PIAS3: variants seen among roughly 807,000 people sequenced by gnomAD.
The protein encoded by PIAS3 is E3 SUMO-protein ligase PIAS3.
A neutral mutation model predicts 67.6 loss-of-function variants in PIAS3; 34 were observed. The observed-to-expected ratio is 0.50, with a 90% CI of 0.38 to 0.67. PIAS3 has a LOEUF of 0.67. PIAS3 is among the 30% of genes least tolerant of loss of function. The pLI, the probability that PIAS3 is intolerant of heterozygous loss-of-function variation, is 0.00. For missense variants in PIAS3, 693 were observed against 791.6 expected (o/e 0.88, Z 1.49); for synonymous variants, 341 against 313.8 (o/e 1.09, Z -0.92).
chr1:145,850,104 T>A, intron 13 of PIAS3, 128 bp downstream of exon 13: 1 of 1,539,790 alleles, frequency 6.5e-7, no homozygotes, highest in African/African-American at 1.4e-5. Context: ...ATAAGATACC[T>A]ACACCCCACT....
intron 10 of PIAS3, 35 bp downstream of exon 10, chr1:145,850,985 G>A (rs1198211739): frequency 4.3e-6 from 7 of 1,614,054 alleles, no homozygotes; most frequent in Non-Finnish European, 5.9e-6. Context: ...GGCCATCCAA[G>A]ATTTAGCTTA....
In PIAS3 at chr1:145,849,718, A is replaced by G; in HGVS notation, c.1621-6T>C. ...ATGACAGAGGGGCCATAGTGCTAGG[A>G]AGAATCAAGGGCATAGTTTAAGATC... On this transcript the variant is annotated splice_polypyrimidine_tract_variant and splice_region_variant and intron_variant, in intron 13 of 13. Transcript: ENST00000393045. The G allele has an allele frequency of 6.3e-7, 1 of 1,578,230 alleles. No homozygotes were observed. The highest frequency in any genetic ancestry group is 8.6e-7 in the Non-Finnish European group (1 of 1,162,804).
chr1:145,857,282 G>C lies in PIAS3; in HGVS notation c.25-276C>G, dbSNP rs782283490. 2.0e-5 allele frequency: 10 copies of C among 489,772 alleles called. No individual in the cohort carries two copies. In the East Asian group the frequency reaches 3.3e-4, roughly 16 times the overall value. 30.3% of individuals were successfully genotyped at this position (489,772 alleles called of 1,614,324 possible). ...CTGGAAGCAGCCAGAGTGGGGCAGG[G>C]AATGGCAGACAGCAAGCCACCCTCA... On this transcript the variant is annotated intron_variant, in intron 1 of 13. Coordinates refer to ENST00000393045, the MANE Select transcript of PIAS3 (RefSeq NM_006099.3).
chr1:145,850,085 GA>G, intron 13 of PIAS3, 146 bp downstream of exon 13: 1 of 1,496,428 alleles, frequency 6.7e-7, no homozygotes, highest in Non-Finnish European at 8.8e-7. Context: ...CAGTGGGGCT[GA>G]GGAGATAATA....
At chr1:145,853,907 G>C (rs992038296) in intron 7 of PIAS3, 21 bp from the exon 8 acceptor site, 2 of 1,610,670 alleles carry the variant, frequency 1.2e-6, no homozygotes, top group Non-Finnish European at 1.7e-6. Flanking sequence ...AGTGAGGCCA[G>C]AGCCATGGGG....
chr1:145,855,949 G>A, intron 4 of PIAS3, 119 bp downstream of exon 4: 1 of 1,055,834 alleles, frequency 9.5e-7, no homozygotes, highest in South Asian at 1.3e-5. Flanking sequence ...TCCAACAAGA[G>A]TCGCAGGGCT....
rs1553733605 is a variant in PIAS3, at chr1:145,849,588, C to T, written c.1745G>A (p.Cys582Tyr). Residue 582 changes from cysteine (C) to tyrosine (Y), a missense_variant, in exon 14 of 14, where the codon TGC becomes TAC. This residue lies in a region of PIAS3 where 270 missense variants were observed against 261.0 expected (regional missense o/e 1.03). Transcript: ENST00000393045. ...PLAPTLGSSHCSATPAPPPGR... is the reference protein window; with the variant it reads ...PLAPTLGSSHYSATPAPPPGR... ...AGGAGGGGGCGCCGGAGTGGCGCTG[C>T]AGTGGGAGCTCCCCAGCGTGGGGGC... The T allele has an allele frequency of 6.2e-7, 1 of 1,612,932 alleles. No individual in the cohort carries two copies. Among genetic ancestry groups the T allele is most frequent in the Admixed American group, 1.7e-5 (1 of 59,850 alleles).
Position 145,851,039 on chromosome 1 carries a change from C to T in PIAS3, c.1260G>A (p.Pro420=), listed in dbSNP as rs147716144. 13 of 1,614,062 alleles carry T rather than the reference C, an allele frequency of 8.1e-6. No individual in the cohort carries two copies. Among genetic ancestry groups the T allele is most frequent in the African/African-American group, 8.0e-5 (6 of 74,912 alleles). The part of the protein sequence containing the change: ...PKKEASEVCP[P]PGYGLDGLQY... The stretch of plus-strand genomic sequence containing the variant: ...ACTCACCATCCAGCCCATACCCTGG[C>T]GGGGGGCAAACCTCAGATGCCTCCT... The change falls in exon 10 of 14, where the codon CCG becomes CCA. Residue 420 remains proline, a synonymous_variant. Transcript: ENST00000393045.
rs1214898970 is a variant in PIAS3 at position 145,856,088 on chromosome 1, A to G, written c.558T>C (p.Tyr186=). The G allele has an allele frequency of 1.2e-6, 2 of 1,613,982 alleles. No homozygotes were observed. Among genetic ancestry groups the G allele is most frequent in the African/African-American group, 1.3e-5 (1 of 75,012 alleles). The change falls in exon 4 of 14, where the codon TAT becomes TAC. Residue 186 remains tyrosine (Y), a synonymous_variant. Coordinates refer to ENST00000393045, the MANE Select transcript of PIAS3 (RefSeq NM_006099.3). ...CTCACCTTAGCTGCACCTGTATGGTATAATCACATTTGGCTCCTGGCAGAA... is the reference window on the plus strand; with the variant it reads ...CTCACCTTAGCTGCACCTGTATGGTGTAATCACATTTGGCTCCTGGCAGAA... ...REVLPGAKCD[Y]TIQVQLRFCL...
In PIAS3 at chr1:145,854,010, G is replaced by C. The variant is rs1428490547; in HGVS notation, c.911-124C>G. ...CTGGGTGGAGCGTCTTTGGGGGCCA[G>C]TGGGACGTCACATGGAAGTGGTCTG... On this transcript the variant is annotated intron_variant, in intron 7 of 13. Transcript: ENST00000393045. 7 of 733,872 alleles carry C rather than the reference G, an allele frequency of 9.5e-6. No individual in the cohort carries two copies. The East Asian group carries it at 1.3e-4, about 14-fold the overall frequency. 45.5% of individuals were successfully genotyped at this position (733,872 alleles called of 1,614,324 possible).
chr1:145,855,766 G>A lies in PIAS3; in HGVS notation c.639C>T (p.Val213=), dbSNP rs1304911084. Reference sequence around the variant, plus strand: ...GGGGGCACAGTTTCCCATTGACCTTGACAAAGAGGTTGGGGGGAAAATAAT... The same window carrying A: ...GGGGGCACAGTTTCCCATTGACCTTAACAAAGAGGTTGGGGGGAAAATAAT... The part of the protein sequence containing the change: ...QEDYFPPNLF[V]KVNGKLCPLP... The change falls in exon 5 of 14, where the codon GTC becomes GTT. Residue 213 remains valine (V), a synonymous_variant. Transcript: ENST00000393045. The A allele has an allele frequency of 6.2e-7, 1 of 1,609,040 alleles. No homozygotes were observed. The highest frequency in any genetic ancestry group is 1.1e-5 in the South Asian group (1 of 90,974).
Position 145,849,456 on chromosome 1 carries a change from G to A in PIAS3, c.1877C>T (p.Ser626Phe). ...CATAATCCAGGGAACTCAGTCCAGG[G>A]AAATGATGTCTGACCGACAGCCAGT... ...SLTGCRSDII[S>F]LD The change falls in exon 14 of 14, where the codon TCC becomes TTC. Residue 626 changes from serine to phenylalanine, a missense_variant. Coordinates refer to ENST00000393045, the MANE Select transcript of PIAS3 (RefSeq NM_006099.3). The A allele has an allele frequency of 6.7e-7, 1 of 1,502,100 alleles. No individual in the cohort carries two copies. Among genetic ancestry groups the A allele is most frequent in the Non-Finnish European group, 8.8e-7 (1 of 1,130,062 alleles). The allele number at this position is 1,502,100 out of a possible 1,614,324, so 93.0% of individuals were successfully genotyped here. A position where few individuals can be genotyped will look rare whatever the true frequency, so the allele number is the denominator to read the frequency against.
Position 145,848,767 on chromosome 1 carries a change from A to T in PIAS3, c.*679T>A. 1 of 295,568 alleles carries T rather than the reference A, an allele frequency of 3.4e-6. No individual in the cohort carries two copies. Among genetic ancestry groups the T allele is most frequent in the Non-Finnish European group, 6.3e-6 (1 of 159,504 alleles). The allele number at this position is 295,568 out of a possible 1,614,324, so 18.3% of individuals were successfully genotyped here. On this transcript the variant is annotated 3_prime_UTR_variant, in exon 14 of 14. Coordinates refer to ENST00000393045, the MANE Select transcript of PIAS3 (RefSeq NM_006099.3). ...AACTTAGATATATAAATAGAGAGAG[A>T]CCCAAGCAATAGGCCGGGCCTGACT...
At position 145,856,987 on chromosome 1, in the gene PIAS3, C is replaced by T. The variant is rs201823120; in HGVS notation, c.44G>A (p.Arg15Gln). The T allele has an allele frequency of 5.0e-6, 8 of 1,614,078 alleles. No homozygotes were observed. The highest frequency in any genetic ancestry group is 5.1e-6 in the Non-Finnish European group (6 of 1,179,966). Reference sequence around the variant, plus strand: ...AAGAAGCACCTGGAGCTCAGACACCCGGAAACTCATCACCATGTGCTGTGG... The same window carrying T: ...AAGAAGCACCTGGAGCTCAGACACCTGGAAACTCATCACCATGTGCTGTGG... Reference protein sequence around the residue: ...GELKHMVMSFRVSELQVLLGF... With the variant: ...GELKHMVMSFQVSELQVLLGF... Residue 15 changes from arginine (R) to glutamine (Q), a missense_variant, in exon 2 of 14, where the codon CGG (arginine) becomes CAG (glutamine). Arg to Gln is a conservative substitution (Grantham distance 43). This residue lies in a region of PIAS3 where 308 missense variants were observed against 348.8 expected (regional missense o/e 0.88). Transcript: ENST00000393045.
chr1:145,854,275 G>A, intron 7 of PIAS3, 183 bp downstream of exon 7: 1 of 609,602 alleles, frequency 1.6e-6, no homozygotes, highest in South Asian at 2.0e-5. Flanking sequence ...GGGTGCCTGG[G>A]AGTGGTCCAA....
chr1:145,850,236 C>T lies in PIAS3; in HGVS notation c.1616G>A (p.Ser539Asn). 1.9e-6 allele frequency: 3 copies of T among 1,614,196 alleles called. No individual in the cohort carries two copies. The highest frequency in any genetic ancestry group is 2.5e-6 in the Non-Finnish European group (3 of 1,180,010). ...LDLFSFLQTE[S>N]QHYGPSVITS... ...TCTGAAGAAAGAACCACTTACCTGA[C>T]TCTCTGTCTGAAGAAATGAAAATAA... The change falls in exon 13 of 14, where the codon AGT becomes AAT. Residue 539 changes from serine (S) to asparagine (N), a missense_variant. Ser to Asn is a conservative substitution (Grantham distance 46). Transcript: ENST00000393045.
chr1:145,855,690 C>T, intron 5 of PIAS3, 46 bp downstream of exon 5: 1 of 1,010,472 alleles, frequency 9.9e-7, no homozygotes, highest in Non-Finnish European at 1.5e-6. Context: ...TATTTATGAA[C>T]TGAAACGGTA....
At chr1:145,851,321 T>C (rs1652955273) in intron 9 of PIAS3, 168 bp from the exon 10 acceptor site, 2 of 704,704 alleles carry the variant, frequency 2.8e-6, no homozygotes, top group Non-Finnish European at 5.0e-6. Context: ...ACACAAGGTA[T>C]GTAAAAGAGC....
chr1:145,850,835 G>T lies in PIAS3; in HGVS notation c.1384C>A (p.Pro462Thr). 1 of 1,614,224 alleles carries T rather than the reference G, an allele frequency of 6.2e-7. No homozygotes were observed. Among genetic ancestry groups the T allele is most frequent in the Non-Finnish European group, 8.5e-7 (1 of 1,180,032 alleles). The change falls in exon 11 of 14, where the codon CCC becomes ACC. Residue 462 changes from proline (P) to threonine (T), a missense_variant. Pro to Thr is a conservative substitution (Grantham distance 38). Coordinates refer to ENST00000393045, the MANE Select transcript of PIAS3 (RefSeq NM_006099.3). The stretch of plus-strand genomic sequence containing the variant: ...ACAGAACAGTGCTTCTTGGTAGGGG[G>T]CAGATCCTCCTCATCTGATGAGCTT... ...IESSSDEEDL[P>T]PTKKHCSVTS...
Sources: gnomAD v4.1 joint callset for allele counts on GRCh38, gnomAD v4.1.1 for gene constraint, gnomAD v4.1.1 regional missense constraint, MANE v1.5 for transcripts, NCBI Gene and HGNC (gene_info 2026-07-23, HGNC 2026-07-21) for gene names.